Variants in NT5C2 observed in about 807,000 individuals in gnomAD.
NT5C2 encodes cytosolic purine 5'-nucleotidase.
Under a neutral mutation model 76.1 loss-of-function variants are expected in NT5C2, and 58 were observed. The observed-to-expected ratio is 0.76, with a 90% CI of 0.62 to 0.95. NT5C2 has a LOEUF of 0.95. Among genes scored for constraint, NT5C2 ranks in the 40% least tolerant of loss-of-function variants. NT5C2 has a pLI of 0.00. For synonymous variants in NT5C2, 229 were observed against 237.4 expected (o/e 0.96, Z 0.32); for missense variants, 478 against 690.3 (o/e 0.69, Z 3.45).
At position 103,119,462 on chromosome 10, in the gene NT5C2, C is replaced by A. The variant is rs565095223; in HGVS notation, c.176-12756G>T. On this transcript the variant is annotated intron_variant, in intron 4 of 18. Coordinates refer to ENST00000404739, the MANE Select transcript of NT5C2 (RefSeq NM_001351169.2). ...CACAAATATCTCTTGCACATATAAT[C>A]TGGAAGCCAGTGGGATGAGGTAATG... 1.0e-3 allele frequency among the ~76,000 whole-genome samples: 156 copies of A among 152,296 alleles called. 1 individual carries two copies. The highest frequency in any genetic ancestry group is 2.9e-4 in the Non-Finnish European group (20 of 68,032).
intron 3 of NT5C2, among the ~76,000 whole-genome samples, chr10:103,145,501 T>G (rs1291867600): frequency 2.0e-5 from 3 of 152,196 alleles, no homozygotes; most frequent in Non-Finnish European, 4.4e-5. Flanking sequence ...CCTTTGCCAA[T>G]GTCAGTTTAC....
chr10:103,099,057 G>T, intron 9 of NT5C2, 73 bp from the exon 10 acceptor site: 1 of 1,223,676 alleles, frequency 8.2e-7, no homozygotes, highest in Non-Finnish European at 1.2e-6. Flanking sequence ...TAAGAAAAAT[G>T]GTTTTTACTA....
intron 3 of NT5C2, among the ~76,000 whole-genome samples, chr10:103,159,704 G>A (rs1398006463): frequency 1.3e-5 from 2 of 149,868 alleles, no homozygotes; most frequent in African/African-American, 4.9e-5. Flanking sequence ...TTTAACAACA[G>A]AAGTGCAAGA....
At chr10:103,107,445 C>T (rs1233839348) in intron 4 of NT5C2, among the ~76,000 whole-genome samples, 1 of 152,004 alleles carries the variant, frequency 6.6e-6, no homozygotes, top group African/African-American at 2.4e-5. Flanking sequence ...GAAGCCGAGG[C>T]GGGCAGATCA....
At chr10:103,113,642 G>A (rs909717152) in intron 4 of NT5C2, among the ~76,000 whole-genome samples, 2 of 152,090 alleles carry the variant, frequency 1.3e-5, no homozygotes, top group Non-Finnish European at 2.9e-5. Flanking sequence ...ATCCTGGGCC[G>A]TGAAAGAGCT....
intron 3 of NT5C2, chr10:103,140,328 TAGCA>T (rs1591381976): frequency 6.6e-6 from 1 of 152,352 alleles, no homozygotes; most frequent in East Asian, 1.9e-4. Context: ...TTATTTCACT[TAGCA>T]TAATGTCTTC....
intron 18 of NT5C2, among the ~76,000 whole-genome samples, 186 bp downstream of exon 18, chr10:103,090,425 C>G (rs760771281): frequency 6.6e-6 from 1 of 152,182 alleles, no homozygotes; most frequent in Non-Finnish European, 1.5e-5. Flanking sequence ...AGTAAAGTTA[C>G]ACTCTTAACT....
intron 1 of NT5C2, among the ~76,000 whole-genome samples, chr10:103,186,680 C>A (rs537128887): frequency 2.0e-5 from 3 of 150,418 alleles, no homozygotes; most frequent in Non-Finnish European, 4.4e-5. Context: ...TTTGGGAGGC[C>A]GAGGCGGGCG....
chr10:103,108,789 C>A (rs2072107397), intron 4 of NT5C2, among the ~76,000 whole-genome samples: 1 of 152,128 alleles, frequency 6.6e-6, no homozygotes. Context: ...ATCTTTATTT[C>A]TTTTGTTGTC....
chr10:103,103,551 A>G lies in NT5C2; in HGVS notation c.389+2155T>C, dbSNP rs895440451. Among the ~76,000 whole-genome samples the G allele has an allele frequency of 4.6e-4, 70 of 152,314 alleles. 1 individual carries two copies. Among genetic ancestry groups the G allele is most frequent in the Non-Finnish European group, 9.4e-4 (64 of 68,016 alleles). ...ATTTATAAATATAGTTAGCAATTAC[A>G]TTGTAAACTTCAGTGTCAAATCACA... On this transcript the variant is annotated intron_variant, in intron 6 of 18. Coordinates refer to ENST00000404739, the MANE Select transcript of NT5C2 (RefSeq NM_001351169.2).
chr10:103,190,803 C>A (rs1040966019), intron 1 of NT5C2, among the ~76,000 whole-genome samples: 1 of 152,170 alleles, frequency 6.6e-6, no homozygotes, highest in African/African-American at 2.4e-5. Flanking sequence ...CATTACAACA[C>A]TTATTCAACA....
rs148650444 is a variant in NT5C2, at chr10:103,097,319, G to A, written c.743C>T (p.Ala248Val). 7 of 1,613,476 alleles carry A rather than the reference G, an allele frequency of 4.3e-6. No individual in the cohort carries two copies. The African/African-American group carries it at 8.0e-5, about 18-fold the overall frequency. Residue 248 changes from alanine to valine, a missense_variant, in exon 11 of 19, where the codon GCT becomes GTT. By Grantham distance (64) the Ala-to-Val change is moderately conservative. Transcript: ENST00000404739. ...RMKEVGKVFL[A>V]TNSDYKYTDK... ...TGTATATTTATAGTCACTGTTGGTA[G>A]CAAGAAATACTTTCCCTACTTCCTT...
At chr10:103,094,121 C>T (rs2067588498) in intron 13 of NT5C2, 83 bp from the exon 14 acceptor site, 3 of 1,079,776 alleles carry the variant, frequency 2.8e-6, no homozygotes, top group East Asian at 2.5e-5. Context: ...CATCCCACCC[C>T]CCACCACCAG....
chr10:103,190,632 G>T (rs1387995550), intron 1 of NT5C2, among the ~76,000 whole-genome samples: 2 of 152,164 alleles, frequency 1.3e-5, no homozygotes, highest in Admixed American at 6.5e-5. Context: ...AGTTCCCCGA[G>T]GTTGCATGAT....
At chr10:103,153,417 G>A in intron 3 of NT5C2, 1 of 1,137,146 alleles carries the variant, frequency 8.8e-7, no homozygotes, top group Non-Finnish European at 1.1e-6. Flanking sequence ...GGCCCTGAGA[G>A]GCCCAACAAA....
intron 9 of NT5C2, among the ~76,000 whole-genome samples, chr10:103,099,377 A>C (rs1403779899): frequency 5.9e-5 from 9 of 152,200 alleles, no homozygotes; most frequent in Admixed American, 5.2e-4. Flanking sequence ...GCCCAGCCCC[A>C]AATGCATTTC....
rs535993766 is a variant in NT5C2, at chr10:103,089,374, G to A, written c.*298C>T. On this transcript the variant is annotated 3_prime_UTR_variant, in exon 19 of 19. Coordinates refer to ENST00000404739, the MANE Select transcript of NT5C2 (RefSeq NM_001351169.2). Reference sequence around the variant, plus strand: ...CGTGTATCCAGATACACTGACATACGGATGATTTTAAAAGTGTCACAAGCC... The same window carrying A: ...CGTGTATCCAGATACACTGACATACAGATGATTTTAAAAGTGTCACAAGCC... 13 of 293,342 alleles carry A rather than the reference G, an allele frequency of 4.4e-5. No individual in the cohort carries two copies. The highest frequency in any genetic ancestry group is 2.6e-4 in the East Asian group (5 of 18,886). The allele number at this position is 293,342 out of a possible 1,614,324, so 18.2% of individuals were successfully genotyped here. A position where few individuals can be genotyped will look rare whatever the true frequency, so the allele number is the denominator to read the frequency against.
intron 4 of NT5C2, among the ~76,000 whole-genome samples, chr10:103,123,738 G>A (rs571672470): frequency 2.3e-3 from 352 of 152,178 alleles, no homozygotes; most frequent in African/African-American, 7.3e-3. Context: ...TTACTGAAAC[G>A]GCTCAGAATC....
chr10:103,090,613 A>G lies in NT5C2; in HGVS notation c.1447T>C (p.Leu483=), dbSNP rs2066535296. 6.2e-7 allele frequency: 1 copy of G among 1,612,470 alleles called. No homozygotes were observed. The highest frequency in any genetic ancestry group is 8.5e-7 in the Non-Finnish European group (1 of 1,179,168). Residue 483 remains leucine (L), a splice_region_variant and synonymous_variant, in exon 18 of 19, where the codon TTG becomes CTG. Coordinates refer to ENST00000404739, the MANE Select transcript of NT5C2 (RefSeq NM_001351169.2). ...TGTCCATTACAGCTTTAACTCACCA[A>G]GACATGGGCAGCCCTGAAGAGGTAG... is the stretch of plus-strand genomic sequence containing the variant. The part of the protein sequence containing the change: ...FSYLFRAAHV[L]MPHESTVEHT...
Sources: allele counts gnomAD v4.1 joint callset (sites outside exome capture counted in the v4.1 genomes callset), GRCh38; gene constraint gnomAD v4.1.1; transcripts MANE v1.5; gene names NCBI Gene and HGNC (gene_info 2026-07-23, HGNC 2026-07-21).